CFAP97D2: variants seen among roughly 807,000 people sequenced by gnomAD.
CFAP97D2 encodes the protein CFAP97 domain containing 2.
intron 3 of CFAP97D2, among the ~76,000 whole-genome samples, chr13:114,208,624 C>T (rs1322806043): frequency 2.0e-5 from 3 of 152,170 alleles, no homozygotes; most frequent in Non-Finnish European, 4.4e-5. Flanking sequence ...CATAGGTTAC[C>T]GTGTTTGTTG....
chr13:114,210,764 C>A (rs1313317231), intron 3 of CFAP97D2, among the ~76,000 whole-genome samples: 1 of 152,022 alleles, frequency 6.6e-6, no homozygotes, highest in Non-Finnish European at 1.5e-5. Context: ...TCCAGCCCCA[C>A]CTTGGATGGC....
At position 114,207,478 on chromosome 13, in the gene CFAP97D2, T is replaced by C. The variant is rs1449704598; in HGVS notation, c.291-4434T>C. ...CAGTGACAGATCATCAGGCATTAGA[T>C]TTTCATAAGGAACACGCAGCTTAGA... On this transcript the variant is annotated intron_variant, in intron 3 of 4. Coordinates refer to ENST00000646158, the Ensembl canonical transcript of CFAP97D2. This position sits in a 1 kb window ranked among gnomAD's most constrained non-coding sequence, Gnocchi z 4.9. Among the ~76,000 whole-genome samples the C allele has an allele frequency of 1.3e-5, 2 of 151,954 alleles. No homozygotes were observed. The highest frequency in any genetic ancestry group is 2.9e-5 in the Non-Finnish European group (2 of 67,988).
At chr13:114,196,082 A>G (rs1175511365) in intron 1 of CFAP97D2, among the ~76,000 whole-genome samples, 1 of 150,606 alleles carries the variant, frequency 6.6e-6, no homozygotes, top group African/African-American at 2.4e-5. Context: ...GACTCAAAAA[A>G]AAAAAAAAAA....
intron 4 of CFAP97D2, among the ~76,000 whole-genome samples, chr13:114,215,997 A>T (rs189365128): frequency 1.3e-5 from 2 of 152,312 alleles, no homozygotes; most frequent in East Asian, 3.9e-4. Context: ...GAGATTTAAC[A>T]ATCCCGCACA....
In CFAP97D2 at chr13:114,185,995, G is replaced by A. The variant is rs1242440365; in HGVS notation, c.90+6575G>A. ...CTGCCTGTCCTGCAAGCCAGAGAGG[G>A]AACTTGTGGTGCTTTTCCCTGGGTC... On this transcript the variant is annotated intron_variant, in intron 1 of 4. Transcript: ENST00000646158. The surrounding 1 kb of genome is among the most constrained non-coding windows in gnomAD (Gnocchi z 5.2). Among the ~76,000 whole-genome samples the A allele has an allele frequency of 6.6e-6, 1 of 152,228 alleles. No individual in the cohort carries two copies. The highest frequency in any genetic ancestry group is 2.4e-5 in the African/African-American group (1 of 41,452).
intron 4 of CFAP97D2, among the ~76,000 whole-genome samples, chr13:114,215,116 C>G (rs1230279661): frequency 6.6e-6 from 1 of 152,142 alleles, no homozygotes; most frequent in Non-Finnish European, 1.5e-5. Flanking sequence ...AATTGCCCCC[C>G]ACAAACAGTC....
chr13:114,220,140 A>G (rs9562159), intron 4 of CFAP97D2, among the ~76,000 whole-genome samples: 7,652 of 152,124 alleles, frequency 0.05, 511 homozygotes, highest in East Asian at 0.35. Context: ...AGAAACCTGA[A>G]ACACAGCCTT....
intron 3 of CFAP97D2, among the ~76,000 whole-genome samples, chr13:114,204,383 T>A (rs762707746): frequency 6.6e-6 from 1 of 152,246 alleles, no homozygotes; most frequent in Non-Finnish European, 1.5e-5. Flanking sequence ...ACCTGCTTTA[T>A]CTCTTTGCTT....
chr13:114,206,481 G>A (rs139180792), intron 3 of CFAP97D2, among the ~76,000 whole-genome samples: 1 of 152,278 alleles, frequency 6.6e-6, no homozygotes, highest in African/African-American at 2.4e-5. Context: ...CCATATAATG[G>A]AATATTGCCC....
Position 114,181,965 on chromosome 13 carries a change from A to G in CFAP97D2, c.90+2545A>G, listed in dbSNP as rs534776354. 7.2e-4 allele frequency among the ~76,000 whole-genome samples: 109 copies of G among 152,262 alleles called. 1 individual carries two copies. In the East Asian group the frequency reaches 0.02, roughly 28 times the overall value. On this transcript the variant is annotated intron_variant, in intron 1 of 4. Transcript: ENST00000646158. ...TGGGTATTTCTAGTCGGGTGGGACG[A>G]GAGACTGAGAAAAGAAATAAGACAC...
At chr13:114,210,889 C>CACA (rs907844979) in intron 3 of CFAP97D2, among the ~76,000 whole-genome samples, 2 of 151,880 alleles carry the variant, frequency 1.3e-5, no homozygotes, top group African/African-American at 4.8e-5. Context: ...CACACACACA[C>CACA]ACTTTAATGG....
rs889971548 is a variant in CFAP97D2, at chr13:114,200,460, T to A, written c.290+17T>A. 2.5e-6 allele frequency: 1 copy of A among 398,478 alleles called. No homozygotes were observed. The highest frequency in any genetic ancestry group is 4.4e-5 in the Admixed American group (1 of 22,718). 24.7% of individuals were successfully genotyped at this position (398,478 alleles called of 1,614,324 possible). A position where few individuals can be genotyped will look rare whatever the true frequency, so the allele number is the denominator to read the frequency against. ...GCACAGGAGGTAAGGGAGCGGCTCC[T>A]GCCATCCCACCCGGCTCAGCACCAA... On this transcript the variant is annotated intron_variant, in intron 3 of 4. Transcript: ENST00000646158.
At chr13:114,204,506 G>A (rs540523826) in intron 3 of CFAP97D2, among the ~76,000 whole-genome samples, 77 of 152,270 alleles carry the variant, frequency 5.1e-4, no homozygotes, top group Middle Eastern at 3.4e-3. Context: ...CATTAAGATA[G>A]ACATATAAAT....
rs781028269 is a variant in CFAP97D2 at position 114,189,246 on chromosome 13, G to T, written c.91-7150G>T. Among the ~76,000 whole-genome samples, 9 of 151,972 alleles carry T rather than the reference G, an allele frequency of 5.9e-5. No homozygotes were observed. Among genetic ancestry groups the T allele is most frequent in the Admixed American group, 6.6e-5 (1 of 15,242 alleles). On this transcript the variant is annotated intron_variant, in intron 1 of 4. Transcript: ENST00000646158. This position sits in a 1 kb window ranked among gnomAD's most constrained non-coding sequence, Gnocchi z 4.5. ...CAAATTTGATAACCTAAATGAAAAG[G>T]GCCAATTTCTTCAAAGGTTCAATCT...
intron 3 of CFAP97D2, among the ~76,000 whole-genome samples, chr13:114,204,046 TCAGC>T (rs1282321609): frequency 6.6e-6 from 1 of 152,200 alleles, no homozygotes; most frequent in East Asian, 1.9e-4. Context: ...AATGGCTATC[TCAGC>T]CAGTGGCATG....
intron 1 of CFAP97D2, among the ~76,000 whole-genome samples, chr13:114,194,599 C>T (rs955989267): frequency 1.3e-5 from 2 of 152,064 alleles, no homozygotes; most frequent in African/African-American, 4.8e-5. Flanking sequence ...CATTTCCCCC[C>T]CAAGAGCATT....
At chr13:114,209,243 A>G (rs538281522) in intron 3 of CFAP97D2, among the ~76,000 whole-genome samples, 3 of 152,356 alleles carry the variant, frequency 2.0e-5, no homozygotes, top group Admixed American at 2.0e-4. Flanking sequence ...AACACAGCTA[A>G]TTTGCTCCAG....
intron 2 of CFAP97D2, among the ~76,000 whole-genome samples, chr13:114,199,175 C>T (rs368843044): frequency 3.6e-4 from 8 of 22,330 alleles, no homozygotes; most frequent in African/African-American, 1.9e-3. Context: ...CGGTCCCCGC[C>T]GAGGCGTGAC....
Position 114,187,668 on chromosome 13 carries a change from CT to C in CFAP97D2, c.90+8249del, listed in dbSNP as rs1352842274. Among the ~76,000 whole-genome samples, 1 of 152,150 alleles carries C rather than the reference CT, an allele frequency of 6.6e-6. No individual in the cohort carries two copies. Among genetic ancestry groups the C allele is most frequent in the Non-Finnish European group, 1.5e-5 (1 of 68,032 alleles). On this transcript the variant is annotated intron_variant, in intron 1 of 4. Transcript: ENST00000646158. This position sits in a 1 kb window ranked among gnomAD's most constrained non-coding sequence, Gnocchi z 4.2. ...TCACAATTGGAGACTTCAACACCCCCTGTCAGAAATGTGCAGATCCAACAAG... is the reference window on the plus strand; with the variant it reads ...TCACAATTGGAGACTTCAACACCCCCGTCAGAAATGTGCAGATCCAACAAG...
Sources: gnomAD v4.1 joint callset for allele counts (sites outside exome capture counted in the v4.1 genomes callset) on GRCh38, gnomAD v4.1.1 for gene constraint, Gnocchi (gnomAD v3.1) non-coding constraint, MANE v1.5 for transcripts, NCBI Gene and HGNC (gene_info 2026-07-23, HGNC 2026-07-21) for gene names.